EPHB1: variants seen among roughly 807,000 people sequenced by gnomAD.
EPHB1 encodes the protein EPH receptor B1.
EPHB1 carries 30 observed loss-of-function variants against 94.4 expected under a neutral mutation model. The observed-to-expected ratio is 0.32, with a 90% CI of 0.24 to 0.43. The LOEUF is 0.43. Ranked by LOEUF, EPHB1 falls within the 20% of genes least tolerant of loss-of-function variation. The pLI is 1.00. For synonymous variants in EPHB1, 522 were observed against 489.1 expected (o/e 1.07, Z -0.89); for missense variants, 1,055 against 1,308.3 (o/e 0.81, Z 2.99).
At chr3:134,900,222 G>T (rs2038173916) in intron 1 of EPHB1, among the ~76,000 whole-genome samples, 1 of 152,218 alleles carries the variant, frequency 6.6e-6, no homozygotes, top group Non-Finnish European at 1.5e-5. Context: ...CATGGAGATT[G>T]TTCTGGCTGA....
At chr3:135,108,226 C>T (rs1290856550) in intron 4 of EPHB1, among the ~76,000 whole-genome samples, 4 of 152,130 alleles carry the variant, frequency 2.6e-5, no homozygotes, top group Non-Finnish European at 5.9e-5. Context: ...CATTCATTCA[C>T]TGGCAGTATT....
Position 135,259,081 on chromosome 3 carries a change from G to C in EPHB1, c.2916G>C (p.Met972Ile), listed in dbSNP as rs1462990586. 2 of 1,610,502 alleles carry C rather than the reference G, an allele frequency of 1.2e-6. No individual in the cohort carries two copies. The highest frequency in any genetic ancestry group is 1.7e-6 in the Non-Finnish European group (2 of 1,178,578). Residue 972 changes from methionine (M) to isoleucine (I), a missense_variant, in exon 16 of 16, where the codon ATG becomes ATC. Met to Ile is a conservative substitution (Grantham distance 10, BLOSUM62 1). Coordinates refer to ENST00000398015, the MANE Select transcript of EPHB1 (RefSeq NM_004441.5). Reference sequence around the variant, plus strand: ...AGATCCTGAACAGCATTCATTCTATGAGGGTCCAGATAAGTCAGTCACCAA... The same window carrying C: ...AGATCCTGAACAGCATTCATTCTATCAGGGTCCAGATAAGTCAGTCACCAA... ...QKKILNSIHS[M>I]RVQISQSPTA...
chr3:135,194,481 A>G (rs1942543600), intron 11 of EPHB1, among the ~76,000 whole-genome samples: 1 of 152,248 alleles, frequency 6.6e-6, no homozygotes, highest in African/African-American at 2.4e-5. Flanking sequence ...GCAGGTAGGT[A>G]GGCTGATGGA....
chr3:134,937,980 G>T (rs1247539505), intron 2 of EPHB1, among the ~76,000 whole-genome samples: 2 of 151,030 alleles, frequency 1.3e-5, no homozygotes, highest in African/African-American at 2.4e-5. Flanking sequence ...CTGGCTGGTG[G>T]GGTGGGCGAT....
chr3:134,948,415 A>AG (rs1056155780), intron 2 of EPHB1, among the ~76,000 whole-genome samples: 4 of 151,984 alleles, frequency 2.6e-5, no homozygotes, highest in African/African-American at 9.7e-5. Flanking sequence ...AAAGGGAGGG[A>AG]GGTCTAAAAA....
chr3:135,231,531 A>G (rs1221723028), intron 12 of EPHB1, among the ~76,000 whole-genome samples: 6 of 152,194 alleles, frequency 3.9e-5, no homozygotes, highest in African/African-American at 1.4e-4. Context: ...GCAGCATTGC[A>G]CAGAAGGGTT....
intron 10 of EPHB1, among the ~76,000 whole-genome samples, chr3:135,183,054 C>CT (rs61274747): frequency 4.1e-4 from 37 of 89,474 alleles, no homozygotes; most frequent in South Asian, 1.8e-3. Flanking sequence ...TTCTTTCTTT[C>CT]TTTCTTTCTT....
intron 1 of EPHB1, among the ~76,000 whole-genome samples, chr3:134,847,758 G>A (rs907626652): frequency 6.6e-6 from 1 of 152,168 alleles, no homozygotes; most frequent in African/African-American, 2.4e-5. Flanking sequence ...AGCAGAAATC[G>A]CATATGTGGA....
At position 135,115,886 on chromosome 3, in the gene EPHB1, A is replaced by G. The variant is rs571324664; in HGVS notation, c.961+9283A>G. ...TGGGTTTTTATGAATCATGTTTAAG[A>G]AGTGGGTTTTGAGTCTCTAAGATAT... is the stretch of plus-strand genomic sequence containing the variant. On this transcript the variant is annotated intron_variant, in intron 4 of 15. Transcript: ENST00000398015. Among the ~76,000 whole-genome samples the G allele has an allele frequency of 3.1e-3, 475 of 152,318 alleles. 1 individual carries two copies. The highest frequency in any genetic ancestry group is 5.3e-3 in the Non-Finnish European group (362 of 68,036).
Position 134,951,530 on chromosome 3 carries a change from G to A in EPHB1, c.283G>A (p.Asp95Asn). The change falls in exon 3 of 16, where the codon GAC becomes AAC. Residue 95 changes from aspartate to asparagine, a missense_variant. Physicochemically the swap from Asp to Asn is conservative, Grantham distance 23. Coordinates refer to ENST00000398015, the MANE Select transcript of EPHB1 (RefSeq NM_004441.5). This position sits in a 1 kb window ranked among gnomAD's most constrained non-coding sequence, Gnocchi z 4.5. ...IYTEMRFTVR[D>N]CSSLPNVPGS... ...CACAGAGATGCGCTTCACTGTGAGA[G>A]ACTGCAGCAGCCTCCCTAATGTCCC... 1 of 1,613,946 alleles carries A rather than the reference G, an allele frequency of 6.2e-7. No individual in the cohort carries two copies. The highest frequency in any genetic ancestry group is 8.5e-7 in the Non-Finnish European group (1 of 1,179,864).
chr3:134,835,705 C>T (rs2036661694), intron 1 of EPHB1, among the ~76,000 whole-genome samples: 2 of 152,198 alleles, frequency 1.3e-5, no homozygotes, highest in Admixed American at 1.3e-4. Context: ...GGAAAGACCC[C>T]TGATCCTTGA....
chr3:135,011,382 A>G (rs1935615679), intron 3 of EPHB1, among the ~76,000 whole-genome samples: 1 of 152,146 alleles, frequency 6.6e-6, no homozygotes, highest in African/African-American at 2.4e-5. Context: ...ATGTATTTTG[A>G]CTTTTTCAAA....
Position 135,260,393 on chromosome 3 carries a change from C to A in EPHB1, c.*1273C>A, listed in dbSNP as rs141787899. On this transcript the variant is annotated 3_prime_UTR_variant, in exon 16 of 16. Transcript: ENST00000398015. Reference sequence around the variant, plus strand: ...AACATTTAATTATTTTAAATTTCTCCTTTTACCTTAATCTCCTTGCTAATT... The same window carrying A: ...AACATTTAATTATTTTAAATTTCTCATTTTACCTTAATCTCCTTGCTAATT... 3 of 229,844 alleles carry A rather than the reference C, an allele frequency of 1.3e-5. No individual in the cohort carries two copies. Among genetic ancestry groups the A allele is most frequent in the African/African-American group, 4.4e-5 (2 of 45,146 alleles). The allele number at this position is 229,844 out of a possible 1,614,324, so 14.2% of individuals were successfully genotyped here. A position where few individuals can be genotyped will look rare whatever the true frequency, so the allele number is the denominator to read the frequency against.
At chr3:135,158,707 T>C (rs1941425945) in intron 6 of EPHB1, among the ~76,000 whole-genome samples, 2 of 152,332 alleles carry the variant, frequency 1.3e-5, no homozygotes, top group South Asian at 2.1e-4. Flanking sequence ...TCCTTCCCCA[T>C]TTTAATACAC....
chr3:134,997,923 G>A (rs1935046385), intron 3 of EPHB1, among the ~76,000 whole-genome samples: 1 of 152,194 alleles, frequency 6.6e-6, no homozygotes, highest in Non-Finnish European at 1.5e-5. Context: ...ACTTTGCTGA[G>A]ACCCAGTGAG....
At chr3:135,172,800 G>A (rs887598010) in intron 9 of EPHB1, among the ~76,000 whole-genome samples, 1 of 152,228 alleles carries the variant, frequency 6.6e-6, no homozygotes, top group African/African-American at 2.4e-5. Flanking sequence ...CTTATTAAAT[G>A]TCAAATAAAT....
intron 3 of EPHB1, among the ~76,000 whole-genome samples, chr3:135,087,993 A>C (rs1576373464): frequency 6.6e-6 from 1 of 152,260 alleles, no homozygotes; most frequent in East Asian, 1.9e-4. Flanking sequence ...TCAGGCAGGC[A>C]GGAACTCAGA....
At chr3:134,795,854 G>C (rs1383228016) in intron 1 of EPHB1, among the ~76,000 whole-genome samples, 165 bp downstream of exon 1, 1 of 152,236 alleles carries the variant, frequency 6.6e-6, no homozygotes, top group Non-Finnish European at 1.5e-5. Flanking sequence ...CGCGGGGCTT[G>C]GGCGGCACCC....
At chr3:135,069,440 C>T (rs750725733) in intron 3 of EPHB1, among the ~76,000 whole-genome samples, 2 of 152,094 alleles carry the variant, frequency 1.3e-5, no homozygotes, top group South Asian at 4.2e-4. Context: ...TGGAACAAGA[C>T]TTACCGTAGT....
Sources: allele counts gnomAD v4.1 joint callset (sites outside exome capture counted in the v4.1 genomes callset), GRCh38; gene constraint gnomAD v4.1.1; non-coding constraint Gnocchi (gnomAD v3.1); transcripts MANE v1.5; gene names NCBI Gene and HGNC (gene_info 2026-07-23, HGNC 2026-07-21).